Variants in DKK2 observed in about 807,000 individuals in gnomAD.
DKK2 encodes dickkopf Wnt signaling pathway inhibitor 2, also known as dickkopf-related protein 2.
Under a neutral mutation model 28.1 loss-of-function variants are expected in DKK2, and 11 were observed. That is an observed-to-expected ratio of 0.39 (90% CI 0.25 to 0.65). The LOEUF is 0.65. Ranked by LOEUF, DKK2 falls within the 30% of genes least tolerant of loss-of-function variation. The pLI, the probability that DKK2 is intolerant of heterozygous loss-of-function variation, is 0.47. For missense variants in DKK2, 326 were observed against 335.5 expected, an observed-to-expected ratio of 0.97 and a Z score of 0.22; for synonymous variants, 135 against 126.5, an observed-to-expected ratio of 1.07 and a Z score of -0.45.
chr4:106,925,528 T>C (rs1194016374), intron 2 of DKK2, among the ~76,000 whole-genome samples: 1 of 152,234 alleles, frequency 6.6e-6, no homozygotes, highest in Non-Finnish European at 1.5e-5. Context: ...CTTATGTGTT[T>C]ACTGAAATAG....
chr4:106,981,381 C>A (rs1407761131), intron 1 of DKK2, among the ~76,000 whole-genome samples: 1 of 152,030 alleles, frequency 6.6e-6, no homozygotes. Flanking sequence ...ATAAACTGCC[C>A]AGATGAAAAC....
chr4:107,000,196 T>C (rs1723339364), intron 1 of DKK2, among the ~76,000 whole-genome samples: 1 of 152,184 alleles, frequency 6.6e-6, no homozygotes, highest in African/African-American at 2.4e-5. Context: ...AAAGTCTTAG[T>C]CCTTGGTCAA....
chr4:106,980,179 C>T (rs1290764841), intron 1 of DKK2, among the ~76,000 whole-genome samples: 1 of 152,092 alleles, frequency 6.6e-6, no homozygotes, highest in Non-Finnish European at 1.5e-5. Context: ...TATCAATATG[C>T]TTTGAAACTC....
At chr4:106,977,693 G>A (rs900258716) in intron 1 of DKK2, among the ~76,000 whole-genome samples, 10 of 152,070 alleles carry the variant, frequency 6.6e-5, no homozygotes, top group Non-Finnish European at 1.3e-4. Flanking sequence ...TGCTCCTTTA[G>A]CTCAGAGGAG....
At chr4:106,991,946 G>A (rs149762776) in intron 1 of DKK2, among the ~76,000 whole-genome samples, 238 of 152,100 alleles carry the variant, frequency 1.6e-3, no homozygotes, top group African/African-American at 5.2e-3. Context: ...TGTCTTTTGC[G>A]TCACTCCTTT....
At chr4:107,014,518 G>T (rs935695038) in intron 1 of DKK2, among the ~76,000 whole-genome samples, 4 of 151,362 alleles carry the variant, frequency 2.6e-5, no homozygotes, top group Non-Finnish European at 5.9e-5. Flanking sequence ...ATGGGGAGGG[G>T]CTGGTCATGG....
At chr4:106,972,204 C>G (rs968457011) in intron 1 of DKK2, among the ~76,000 whole-genome samples, 17 of 151,984 alleles carry the variant, frequency 1.1e-4, no homozygotes, top group Admixed American at 3.9e-4. Flanking sequence ...CCCGCCTCAC[C>G]ACTTCTCCTC....
intron 1 of DKK2, among the ~76,000 whole-genome samples, chr4:106,942,486 C>G (rs1005492208): frequency 6.6e-6 from 1 of 152,088 alleles, no homozygotes; most frequent in Non-Finnish European, 1.5e-5. Flanking sequence ...CCCAGATATA[C>G]TAGACTCTTT....
At chr4:107,035,268 G>A (rs1453299587) in intron 1 of DKK2, 102 bp downstream of exon 1, 2 of 1,363,378 alleles carry the variant, frequency 1.5e-6, no homozygotes. Flanking sequence ...CTGTATCTGG[G>A]GCCACGCTCC....
intron 1 of DKK2, among the ~76,000 whole-genome samples, chr4:106,945,526 A>G (rs992067877): frequency 2.0e-5 from 3 of 152,134 alleles, no homozygotes; most frequent in African/African-American, 7.2e-5. Flanking sequence ...GTATTAACAA[A>G]CCACTTCTCT....
At chr4:106,980,071 G>A (rs1323112361) in intron 1 of DKK2, among the ~76,000 whole-genome samples, 2 of 152,076 alleles carry the variant, frequency 1.3e-5, no homozygotes, top group African/African-American at 4.8e-5. Flanking sequence ...TCTCTCAAAT[G>A]GTATGCTAGA....
intron 1 of DKK2, among the ~76,000 whole-genome samples, chr4:106,927,092 T>C (rs1050479790): frequency 6.6e-6 from 1 of 152,226 alleles, no homozygotes; most frequent in Non-Finnish European, 1.5e-5. Context: ...AAATAAGCTA[T>C]GTATTTGTTT....
intron 1 of DKK2, among the ~76,000 whole-genome samples, chr4:106,939,633 A>C (rs1724660952): frequency 6.6e-6 from 1 of 152,218 alleles, no homozygotes; most frequent in South Asian, 2.1e-4. Context: ...GGAACCAAAA[A>C]AGAGCCCGCA....
chr4:106,930,323 A>G (rs1724484054), intron 1 of DKK2, among the ~76,000 whole-genome samples: 1 of 152,164 alleles, frequency 6.6e-6, no homozygotes, highest in Non-Finnish European at 1.5e-5. Context: ...TCAAAACTGC[A>G]GGAAGAAAAG....
At chr4:106,925,389 C>T (rs996421975) in intron 2 of DKK2, among the ~76,000 whole-genome samples, 1 of 152,202 alleles carries the variant, frequency 6.6e-6, no homozygotes, top group Non-Finnish European at 1.5e-5. Flanking sequence ...GAACCAATCA[C>T]TCTACTACCA....
At chr4:107,012,651 G>A (rs1723533283) in intron 1 of DKK2, among the ~76,000 whole-genome samples, 1 of 151,246 alleles carries the variant, frequency 6.6e-6, no homozygotes, top group South Asian at 2.1e-4. Flanking sequence ...TTTTGTCTTT[G>A]TTCTTGGAGG....
chr4:106,983,225 T>G (rs1033831365), intron 1 of DKK2, among the ~76,000 whole-genome samples: 2 of 150,514 alleles, frequency 1.3e-5, no homozygotes, highest in Non-Finnish European at 3.0e-5. Flanking sequence ...GTCAGCAAAT[T>G]CAACACTAAC....
intron 1 of DKK2, among the ~76,000 whole-genome samples, chr4:107,002,949 G>A (rs1301985565): frequency 6.6e-6 from 1 of 152,056 alleles, no homozygotes; most frequent in Non-Finnish European, 1.5e-5. Flanking sequence ...CCTTAATATA[G>A]CATTAGGTAA....
At chr4:106,930,530 T>A (rs1471166078) in intron 1 of DKK2, among the ~76,000 whole-genome samples, 1 of 152,200 alleles carries the variant, frequency 6.6e-6, no homozygotes, top group Non-Finnish European at 1.5e-5. Flanking sequence ...CTCCTAAGTT[T>A]TCAAAATAAT....
Sources: gnomAD v4.1 joint callset for allele counts (sites outside exome capture counted in the v4.1 genomes callset) on GRCh38, gnomAD v4.1.1 for gene constraint, MANE v1.5 for transcripts, NCBI Gene and HGNC (gene_info 2026-07-23, HGNC 2026-07-21) for gene names.